Variants in ASB5 observed in about 807,000 individuals in gnomAD.
ASB5 encodes ankyrin repeat and SOCS box protein 5.
Under a neutral mutation model 42.1 loss-of-function variants are expected in ASB5, and 45 were observed. The observed-to-expected ratio is 1.07, with a 90% confidence interval of 0.84 to 1.37. The LOEUF (loss-of-function observed/expected upper bound fraction) is 1.37, where lower values mean the gene tolerates loss of function less well. Among genes scored for constraint, ASB5 ranks in the 40% most tolerant of loss-of-function variants. The pLI, the probability that ASB5 is intolerant of heterozygous loss-of-function variation, is 0.00. For synonymous variants in ASB5, 147 were observed against 150.6 expected, an observed-to-expected ratio of 0.98 and a Z score of 0.18; for missense variants, 402 against 399.8, an observed-to-expected ratio of 1.01 and a Z score of -0.05.
chr4:176,275,990 A>T (rs1754558463), intron 1 of ASB5: 1 of 152,206 alleles, frequency 6.6e-6, no homozygotes, highest in South Asian at 2.1e-4. Context: ...TGAAAAGGAT[A>T]CTACATATTC....
At chr4:176,217,822 T>C (rs1237411323) in intron 5 of ASB5, among the ~76,000 whole-genome samples, 1 of 152,036 alleles carries the variant, frequency 6.6e-6, no homozygotes, top group Non-Finnish European at 1.5e-5. Context: ...CAGAAATGTC[T>C]ACCAATAAAA....
upstream of ASB5, among the ~76,000 whole-genome samples, chr4:176,273,808 AAG>A (rs1243329129): frequency 1.3e-5 from 2 of 152,262 alleles, no homozygotes; most frequent in Non-Finnish European, 2.9e-5. Flanking sequence ...CTGCATATAT[AAG>A]AGTTTAAAAA....
In ASB5 at chr4:176,268,982, T is replaced by C. The variant is rs565229012; in HGVS notation, c.127A>G (p.Ile43Val). The C allele has an allele frequency of 3.7e-6, 6 of 1,613,596 alleles. No homozygotes were observed. The highest frequency in any genetic ancestry group is 3.3e-5 in the South Asian group (3 of 91,034). ...ISLAILSHFYIVKGNRKEAAR... is the reference protein window; with the variant it reads ...ISLAILSHFYVVKGNRKEAAR... Reference sequence around the variant, plus strand: ...GCTTCCTTGCGGTTGCCTTTCACTATGTAGAAATGACTGAGGATGGCAAGG... The same window carrying C: ...GCTTCCTTGCGGTTGCCTTTCACTACGTAGAAATGACTGAGGATGGCAAGG... The change falls in exon 1 of 7, where the codon ATA becomes GTA. Residue 43 changes from isoleucine (I) to valine (V), a missense_variant. Coordinates refer to ENST00000296525, the MANE Select transcript of ASB5 (RefSeq NM_080874.4).
At chr4:176,240,468 A>C (rs1232593681) in intron 1 of ASB5, among the ~76,000 whole-genome samples, 2 of 152,182 alleles carry the variant, frequency 1.3e-5, no homozygotes, top group Admixed American at 1.3e-4. Flanking sequence ...TTAAAGCTGG[A>C]AAGTTTCAAA....
At chr4:176,246,719 CAG>C (rs760188604) in intron 1 of ASB5, among the ~76,000 whole-genome samples, 1 of 152,148 alleles carries the variant, frequency 6.6e-6, no homozygotes, top group Non-Finnish European at 1.5e-5. Context: ...AAAAACAAAA[CAG>C]AAAACCTTCA....
At chr4:176,240,042 C>T (rs142030667) in intron 1 of ASB5, among the ~76,000 whole-genome samples, 14 of 152,164 alleles carry the variant, frequency 9.2e-5, no homozygotes, top group Admixed American at 7.2e-4. Context: ...TGAGTGAACG[C>T]GTTAGGGACA....
chr4:176,238,055 T>C (rs4386551), intron 1 of ASB5, among the ~76,000 whole-genome samples: 151,353 of 152,210 alleles, frequency 0.99, 75,255 homozygotes, highest in Middle Eastern at 1. Flanking sequence ...AACCCCGTCT[T>C]TACTAAAAAT....
intron 1 of ASB5, chr4:176,241,474 A>G (rs1753810659): frequency 6.5e-7 from 1 of 1,535,536 alleles, no homozygotes; most frequent in Non-Finnish European, 8.7e-7. Context: ...GTTACTGCCA[A>G]ATTTCCACCA....
chr4:176,221,652 A>T, intron 3 of ASB5, 52 bp from the exon 4 acceptor site: 1 of 1,478,552 alleles, frequency 6.8e-7, no homozygotes, highest in African/African-American at 1.4e-5. Flanking sequence ...ATACATGAGT[A>T]ACCGACTTAG....
upstream of ASB5, among the ~76,000 whole-genome samples, chr4:176,273,338 G>A (rs560786652): frequency 6.6e-6 from 1 of 152,212 alleles, no homozygotes; most frequent in South Asian, 2.1e-4. Flanking sequence ...GAAGGCCAAT[G>A]ATGGCTGATA....
intron 1 of ASB5, among the ~76,000 whole-genome samples, chr4:176,261,198 TG>T (rs1454498674): frequency 6.6e-6 from 1 of 152,142 alleles, no homozygotes; most frequent in Non-Finnish European, 1.5e-5. Context: ...AGAATTACCA[TG>T]GAACCACTCT....
At chr4:176,217,150 TATATAC>T (rs547541396) in intron 5 of ASB5, 141 bp from the exon 6 acceptor site, 1,146 of 647,160 alleles carry the variant, frequency 1.8e-3, no homozygotes, top group Non-Finnish European at 2.6e-3. Flanking sequence ...GTTATTTCTT[TATATAC>T]ATATACAGTA....
intron 1 of ASB5, among the ~76,000 whole-genome samples, chr4:176,245,078 A>T (rs924747884): frequency 1.3e-5 from 2 of 152,226 alleles, no homozygotes; most frequent in Non-Finnish European, 2.9e-5. Flanking sequence ...TTAATTATTC[A>T]TTACCAGGAA....
intron 2 of ASB5, among the ~76,000 whole-genome samples, 158 bp from the exon 3 acceptor site, chr4:176,222,578 G>T (rs1270942973): frequency 1.3e-5 from 2 of 152,152 alleles, no homozygotes; most frequent in Non-Finnish European, 2.9e-5. Context: ...ATGCCATAGG[G>T]TCAATCCGTT....
At chr4:176,220,368 A>C (rs1346010745) in intron 5 of ASB5, among the ~76,000 whole-genome samples, 1 of 152,336 alleles carries the variant, frequency 6.6e-6, no homozygotes, top group East Asian at 1.9e-4. Context: ...AATAAAGGTC[A>C]GCATTTATCA....
intron 5 of ASB5, among the ~76,000 whole-genome samples, chr4:176,219,162 C>T (rs1173008838): frequency 1.7e-5 from 2 of 115,262 alleles, no homozygotes; most frequent in Non-Finnish European, 3.2e-5. Flanking sequence ...ATTTGTATGA[C>T]ATATAAATAT....
In ASB5 at chr4:176,234,804, C is replaced by G. The variant is rs76044105; in HGVS notation, c.197-9463G>C. Among the ~76,000 whole-genome samples the G allele has an allele frequency of 5.3e-3, 806 of 152,284 alleles. 5 individuals are homozygous for G. Among genetic ancestry groups the G allele is most frequent in the African/African-American group, 0.018 (737 of 41,558 alleles). Reference sequence around the variant, plus strand: ...ATATTGGCTCACTCTGTTTTTTACACTGCTAAGTTTCAGTTTCCTCACTAT... The same window carrying G: ...ATATTGGCTCACTCTGTTTTTTACAGTGCTAAGTTTCAGTTTCCTCACTAT... On this transcript the variant is annotated intron_variant, in intron 1 of 6. Transcript: ENST00000296525.
At chr4:176,226,037 G>A (rs1452969194) in intron 1 of ASB5, among the ~76,000 whole-genome samples, 1 of 152,214 alleles carries the variant, frequency 6.6e-6, no homozygotes, top group African/African-American at 2.4e-5. Context: ...CGTTGACAAG[G>A]GATGGATTAG....
At position 176,220,544 on chromosome 4, in the gene ASB5, T is replaced by A. The variant is rs552682880; in HGVS notation, c.670+611A>T. ...ATCCAAATCGTAAGGGGACTCTGAG[T>A]CCTATGGTAAGTGGGACCACTATGG... On this transcript the variant is annotated intron_variant, in intron 5 of 6. Transcript: ENST00000296525. 9.9e-5 allele frequency among the ~76,000 whole-genome samples: 15 copies of A among 152,170 alleles called. No individual in the cohort carries two copies. In the East Asian group the frequency reaches 2.7e-3, roughly 27 times the overall value.
Sources: allele counts gnomAD v4.1 joint callset (sites outside exome capture counted in the v4.1 genomes callset), GRCh38; gene constraint gnomAD v4.1.1; transcripts MANE v1.5; gene names NCBI Gene and HGNC (gene_info 2026-07-23, HGNC 2026-07-21).